CDK6: variants seen among roughly 807,000 people sequenced by gnomAD.
The protein encoded by CDK6 is cyclin-dependent kinase 6.
Under a neutral mutation model 37.1 loss-of-function variants are expected in CDK6, and 6 were observed. That is an observed-to-expected ratio of 0.16 (90% CI 0.09 to 0.32). The LOEUF (loss-of-function observed/expected upper bound fraction) is 0.32. Among genes scored for constraint, CDK6 ranks in the 10% least tolerant of loss-of-function variants. The probability of loss-of-function intolerance (pLI) is 1.00; values close to 1 mark genes in which losing one functional copy is unlikely to be tolerated. For missense variants in CDK6, 224 were observed against 418.9 expected (o/e 0.53, Z 4.06); for synonymous variants, 160 against 161.3 (o/e 0.99, Z 0.06).
chr7:92,763,650 T>G (rs775500133), intron 3 of CDK6, among the ~76,000 whole-genome samples: 1 of 152,194 alleles, frequency 6.6e-6, no homozygotes, highest in Non-Finnish European at 1.5e-5. Context: ...ATGACGTTAG[T>G]AAAGCACCAC....
rs188772915 is a variant in CDK6 at position 92,800,206 on chromosome 7, C to G, written c.234-25375G>C. On this transcript the variant is annotated intron_variant, in intron 2 of 7. Transcript: ENST00000424848. ...AATGGTCAATCTCCTAACCAGTTCA[C>G]CTGTCTCTAGATTCCATTTCAGGCC... 3.0e-4 allele frequency among the ~76,000 whole-genome samples: 45 copies of G among 152,304 alleles called. No homozygotes were observed. The East Asian group carries it at 5.0e-3, about 17-fold the overall frequency.
At chr7:92,731,221 G>A (rs1374626186) in intron 3 of CDK6, among the ~76,000 whole-genome samples, 1 of 152,190 alleles carries the variant, frequency 6.6e-6, no homozygotes, top group Admixed American at 6.5e-5. Context: ...AGCTTCAAAG[G>A]CTGTTTATAA....
At chr7:92,756,721 T>C (rs1799327748) in intron 3 of CDK6, among the ~76,000 whole-genome samples, 1 of 152,188 alleles carries the variant, frequency 6.6e-6, no homozygotes, top group Non-Finnish European at 1.5e-5. Flanking sequence ...CTCAGGATTG[T>C]CATTCTTTGG....
intron 4 of CDK6, chr7:92,725,205 A>G (rs902255648): frequency 1.0e-6 from 1 of 985,308 alleles, no homozygotes; most frequent in African/African-American, 1.7e-5. Context: ...GAGTGCATTA[A>G]CAAACCTGTG....
At chr7:92,745,941 T>G (rs1400197197) in intron 3 of CDK6, among the ~76,000 whole-genome samples, 1 of 152,196 alleles carries the variant, frequency 6.6e-6, no homozygotes, top group Non-Finnish European at 1.5e-5. Flanking sequence ...GTAGTCCCTA[T>G]TATCAGTTTG....
At chr7:92,727,828 A>T (rs1798549084) in intron 3 of CDK6, among the ~76,000 whole-genome samples, 1 of 152,206 alleles carries the variant, frequency 6.6e-6, no homozygotes, top group African/African-American at 2.4e-5. Context: ...AATAAGTTGT[A>T]ATGAATAAAC....
intron 5 of CDK6, among the ~76,000 whole-genome samples, chr7:92,659,648 C>T (rs1796793816): frequency 6.6e-6 from 1 of 151,738 alleles, no homozygotes; most frequent in Non-Finnish European, 1.5e-5. Context: ...CACACACACA[C>T]ACTTTTGAAT....
Position 92,834,508 on chromosome 7 carries a change from A to G in CDK6, c.-367-818T>C, listed in dbSNP as rs1017730881. Among the ~76,000 whole-genome samples, 1 of 150,780 alleles carries G rather than the reference A, an allele frequency of 6.6e-6. No homozygotes were observed. The highest frequency in any genetic ancestry group is 2.4e-5 in the African/African-American group (1 of 40,900). ...CGAGCGAGCGGTCCTGGGGGAGGGG[A>G]GACACCGTCCCCCACGGGATCCCAA... On this transcript the variant is annotated intron_variant, in intron 1 of 7. Transcript: ENST00000424848. This position sits in a 1 kb window ranked among gnomAD's most constrained non-coding sequence, Gnocchi z 4.6.
chr7:92,829,114 C>A (rs1023653812), intron 2 of CDK6, among the ~76,000 whole-genome samples: 2 of 151,964 alleles, frequency 1.3e-5, no homozygotes, highest in Non-Finnish European at 2.9e-5. Flanking sequence ...TTTCTTTTAC[C>A]CTGTTAACAA....
chr7:92,731,620 A>G (rs1278031774), intron 3 of CDK6, among the ~76,000 whole-genome samples: 1 of 152,232 alleles, frequency 6.6e-6, no homozygotes, highest in Non-Finnish European at 1.5e-5. Flanking sequence ...AAAGTGTAAT[A>G]AAGTGGCATT....
rs935300370 is a variant in CDK6 at position 92,607,047 on chromosome 7, T to C, written c.*8093A>G. 1.7e-5 allele frequency: 4 copies of C among 233,464 alleles called. No homozygotes were observed. Among genetic ancestry groups the C allele is most frequent in the African/African-American group, 8.8e-5 (4 of 45,352 alleles). The allele number at this position is 233,464 out of a possible 1,614,324, so 14.5% of individuals were successfully genotyped here. Reference sequence around the variant, plus strand: ...CTTGCTTTTTATTACCACACTGGATTGCTTCTGTACACAGCTAAGTTGCCT... The same window carrying C: ...CTTGCTTTTTATTACCACACTGGATCGCTTCTGTACACAGCTAAGTTGCCT... On this transcript the variant is annotated 3_prime_UTR_variant, in exon 8 of 8. Transcript: ENST00000424848.
At chr7:92,709,810 C>T (rs528304016) in intron 4 of CDK6, among the ~76,000 whole-genome samples, 16 of 152,242 alleles carry the variant, frequency 1.1e-4, no homozygotes, top group African/African-American at 3.9e-4. Flanking sequence ...TGATAGATGG[C>T]TCATACTCAA....
In CDK6 at chr7:92,694,800, ATG is replaced by A. The variant is rs1797671672; in HGVS notation, c.538-23267_538-23266del. On this transcript the variant is annotated intron_variant, in intron 4 of 7. Transcript: ENST00000424848. Reference sequence around the variant, plus strand: ...GCTCAGAGTGGCCATTTCAGAAGACATGTCTGTCTCTGAAATAGAAAATTATA... The same window carrying A: ...GCTCAGAGTGGCCATTTCAGAAGACATCTGTCTCTGAAATAGAAAATTATA... Among the ~76,000 whole-genome samples, 8 of 152,322 alleles carry A rather than the reference ATG, an allele frequency of 5.3e-5. No homozygotes were observed. The South Asian group carries it at 1.7e-3, about 32-fold the overall frequency.
At chr7:92,747,958 T>A (rs1409769228) in intron 3 of CDK6, among the ~76,000 whole-genome samples, 1 of 152,170 alleles carries the variant, frequency 6.6e-6, no homozygotes, top group East Asian at 1.9e-4. Flanking sequence ...ATTCTAAAAA[T>A]TACCATTTCA....
intron 2 of CDK6, among the ~76,000 whole-genome samples, chr7:92,810,938 T>A (rs1800865971): frequency 6.6e-6 from 1 of 151,958 alleles, no homozygotes; most frequent in Non-Finnish European, 1.5e-5. Flanking sequence ...TGGTGGTGCG[T>A]GCCTGTAGTC....
intron 4 of CDK6, among the ~76,000 whole-genome samples, chr7:92,696,986 G>C (rs993872793): frequency 6.6e-6 from 1 of 152,208 alleles, no homozygotes; most frequent in Admixed American, 6.5e-5. Context: ...CACATTTGGA[G>C]ATGAAGCCTG....
In CDK6 at chr7:92,830,597, C is replaced by T. The variant is rs114179226; in HGVS notation, c.233+2494G>A. ...AATTGCTGTCAACTGTCCTTATTTC[C>T]TGACCCTGTCTGAGCAAATATTCGC... On this transcript the variant is annotated intron_variant, in intron 2 of 7. Transcript: ENST00000424848. Among the ~76,000 whole-genome samples the T allele has an allele frequency of 2.6e-3, 398 of 152,322 alleles. 1 individual carries two copies. Among genetic ancestry groups the T allele is most frequent in the African/African-American group, 9.1e-3 (379 of 41,568 alleles).
chr7:92,800,997 G>A (rs952956815), intron 2 of CDK6, among the ~76,000 whole-genome samples: 21 of 152,188 alleles, frequency 1.4e-4, no homozygotes, highest in African/African-American at 2.6e-4. Flanking sequence ...AGTAACTTCC[G>A]AAATGATGGA....
At chr7:92,639,950 T>C (rs754205077) in intron 5 of CDK6, among the ~76,000 whole-genome samples, 6 of 152,216 alleles carry the variant, frequency 3.9e-5, no homozygotes, top group Non-Finnish European at 5.9e-5. Context: ...TATGGTATAA[T>C]TTTTCTGATT....
Sources: gnomAD v4.1 joint callset for allele counts (sites outside exome capture counted in the v4.1 genomes callset) on GRCh38, gnomAD v4.1.1 for gene constraint, Gnocchi (gnomAD v3.1) non-coding constraint, MANE v1.5 for transcripts, NCBI Gene and HGNC (gene_info 2026-07-23, HGNC 2026-07-21) for gene names.